Variants in SCYL2 observed in about 807,000 individuals in gnomAD.
The protein encoded by SCYL2 is SCY1-like protein 2.
SCYL2 carries 36 observed loss-of-function variants against 100.4 expected under a neutral mutation model. That is an observed-to-expected ratio of 0.36 (90% CI 0.27 to 0.47). The LOEUF (loss-of-function observed/expected upper bound fraction) is 0.47. Among genes scored for constraint, SCYL2 ranks in the 20% least tolerant of loss-of-function variants. The probability of loss-of-function intolerance (pLI) is 1.00; values close to 1 mark genes in which losing one functional copy is unlikely to be tolerated. For missense variants in SCYL2, 902 were observed against 1,083.9 expected (o/e 0.83, Z 2.36); for synonymous variants, 330 against 359.2 (o/e 0.92, Z 0.92).
At chr12:100,332,949 C>T (rs542409222) in intron 13 of SCYL2, among the ~76,000 whole-genome samples, 44 of 152,062 alleles carry the variant, frequency 2.9e-4, no homozygotes, top group Non-Finnish European at 4.9e-4. Context: ...CTCCTAGGCT[C>T]AAATGATCTT....
intron 11 of SCYL2, 110 bp downstream of exon 11, chr12:100,323,748 G>A: frequency 1.6e-6 from 1 of 627,494 alleles, no homozygotes; most frequent in Non-Finnish European, 2.7e-6. Flanking sequence ...TTTCATCTTG[G>A]CTGTAGATAA....
In SCYL2 at chr12:100,327,263, T is replaced by C. The variant is rs141336300; in HGVS notation, c.1642+509T>C. ...AGTGATAGGAGCTGGTTTTCTAATA[T>C]GTTTAAGTCTTAATTAGTATATTTT... On this transcript the variant is annotated intron_variant, in intron 12 of 17. Coordinates refer to ENST00000360820, the MANE Select transcript of SCYL2 (RefSeq NM_017988.6). 320 of 296,188 alleles carry C rather than the reference T, an allele frequency of 1.1e-3. 7 individuals carry two copies. The highest frequency in any genetic ancestry group is 6.8e-3 in the African/African-American group (305 of 45,024). The allele number at this position is 296,188 out of a possible 1,614,324, so 18.3% of individuals were successfully genotyped here.
chr12:100,284,936 C>T lies in SCYL2; in HGVS notation c.177+1789C>T, dbSNP rs574500912. 2.0e-5 allele frequency among the ~76,000 whole-genome samples: 3 copies of T among 152,160 alleles called. No individual in the cohort carries two copies. In the South Asian group the frequency reaches 6.2e-4, roughly 32 times the overall value. On this transcript the variant is annotated intron_variant, in intron 2 of 17. Coordinates refer to ENST00000360820, the MANE Select transcript of SCYL2 (RefSeq NM_017988.6). ...CCTGTAGTCTCAGCACTTTGGAAGG[C>T]CAAGGTGGAAGGACCCCTTCAGCTC... is the stretch of plus-strand genomic sequence containing the variant.
chr12:100,332,312 A>G (rs1236935399), intron 13 of SCYL2, among the ~76,000 whole-genome samples: 1 of 152,198 alleles, frequency 6.6e-6, no homozygotes, highest in Non-Finnish European at 1.5e-5. Context: ...TGTACAGCAT[A>G]GAACATATTC....
intron 3 of SCYL2, among the ~76,000 whole-genome samples, chr12:100,296,125 AT>A (rs1244569111): frequency 6.6e-6 from 1 of 152,228 alleles, no homozygotes; most frequent in Non-Finnish European, 1.5e-5. Flanking sequence ...ATATTATAGA[AT>A]TAGGAATTTA....
In SCYL2 at chr12:100,317,931, G is replaced by A; in HGVS notation, c.1395+6G>A. On this transcript the variant is annotated splice_donor_region_variant and intron_variant, in intron 10 of 17. Transcript: ENST00000360820. ...CTCCTTCCATTCAGATCCAGGTACA[G>A]TATCTGATTTGTTTTTCTTTAATGA... is the stretch of plus-strand genomic sequence containing the variant. The A allele has an allele frequency of 6.5e-7, 1 of 1,541,540 alleles. No individual in the cohort carries two copies. Among genetic ancestry groups the A allele is most frequent in the Non-Finnish European group, 8.7e-7 (1 of 1,153,958 alleles).
intron 11 of SCYL2, 90 bp downstream of exon 11, chr12:100,323,728 T>G (rs2096358792): frequency 2.9e-6 from 2 of 683,196 alleles, no homozygotes; most frequent in East Asian, 5.4e-5. Context: ...TTTTATAGAT[T>G]GTTGATGTAT....
In SCYL2 at chr12:100,312,661, C is replaced by T; in HGVS notation, c.852+8C>T. On this transcript the variant is annotated splice_region_variant and intron_variant, in intron 6 of 17. Transcript: ENST00000360820. The stretch of plus-strand genomic sequence containing the variant: ...AGTAGGCAGTTGGATCAGGTATTTG[C>T]CTATAAATAATTTGCTTGCATTAAA... The T allele has an allele frequency of 6.3e-7, 1 of 1,582,890 alleles. No homozygotes were observed. Among genetic ancestry groups the T allele is most frequent in the Non-Finnish European group, 8.6e-7 (1 of 1,164,274 alleles).
intron 17 of SCYL2, among the ~76,000 whole-genome samples, 186 bp downstream of exon 17, chr12:100,337,692 T>G (rs879379772): frequency 1.3e-5 from 2 of 152,158 alleles, no homozygotes; most frequent in Non-Finnish European, 1.5e-5. Flanking sequence ...TGTATAATGT[T>G]TTGTGACAAT....
chr12:100,326,049 A>G (rs1028641736), intron 11 of SCYL2, among the ~76,000 whole-genome samples: 3 of 152,114 alleles, frequency 2.0e-5, no homozygotes, highest in African/African-American at 2.4e-5. Flanking sequence ...AGAAATTCCA[A>G]ATAGAAGTAG....
chr12:100,321,860 T>C (rs2096356108), intron 10 of SCYL2, among the ~76,000 whole-genome samples: 2 of 151,764 alleles, frequency 1.3e-5, no homozygotes, highest in African/African-American at 4.8e-5. Flanking sequence ...CTGGGCAACA[T>C]AGTAAGACCC....
chr12:100,315,045 C>A lies in SCYL2; in HGVS notation c.1095+431C>A, dbSNP rs143958045. On this transcript the variant is annotated intron_variant, in intron 8 of 17. Transcript: ENST00000360820. Reference sequence around the variant, plus strand: ...GGCACTGGTTGGAATACTAATAATTCCTGGTTGTAAAAACATTTCCAGTGT... The same window carrying A: ...GGCACTGGTTGGAATACTAATAATTACTGGTTGTAAAAACATTTCCAGTGT... Among the ~76,000 whole-genome samples the A allele has an allele frequency of 5.9e-5, 9 of 152,210 alleles. No homozygotes were observed. The East Asian group carries it at 1.5e-3, about 26-fold the overall frequency.
chr12:100,325,049 G>A (rs1036796898), intron 11 of SCYL2, among the ~76,000 whole-genome samples: 13 of 152,236 alleles, frequency 8.5e-5, no homozygotes, highest in African/African-American at 2.6e-4. Context: ...GCAACACAGC[G>A]AGACCTCGTC....
chr12:100,304,741 T>A (rs147248917), intron 4 of SCYL2, among the ~76,000 whole-genome samples: 4,952 of 152,168 alleles, frequency 0.033, 100 homozygotes, highest in African/African-American at 0.059. Flanking sequence ...ATCAGTGTGC[T>A]GTATTTAGGA....
At chr12:100,270,186 C>T (rs1430284535) in intron 1 of SCYL2, among the ~76,000 whole-genome samples, 2 of 152,070 alleles carry the variant, frequency 1.3e-5, no homozygotes, top group Admixed American at 6.5e-5. Flanking sequence ...CGGCGTTTCA[C>T]CGTGTTAGGC....
chr12:100,338,102 C>T (rs969139078), intron 17 of SCYL2, among the ~76,000 whole-genome samples: 1 of 152,054 alleles, frequency 6.6e-6, no homozygotes, highest in South Asian at 2.1e-4. Flanking sequence ...CTGAGAAAAA[C>T]CTTTGTGGGC....
intron 1 of SCYL2, among the ~76,000 whole-genome samples, chr12:100,278,025 TTC>T (rs1375794230): frequency 6.6e-6 from 1 of 152,202 alleles, no homozygotes; most frequent in Admixed American, 6.5e-5. Context: ...TCCCCTCCTG[TTC>T]TTTCTTGTTA....
At chr12:100,279,587 T>C (rs1209980635) in intron 1 of SCYL2, among the ~76,000 whole-genome samples, 1 of 152,246 alleles carries the variant, frequency 6.6e-6, no homozygotes, top group Non-Finnish European at 1.5e-5. Context: ...TTTGTTCTGG[T>C]AGGCTGTTTA....
At chr12:100,327,608 G>A (rs202025385) in intron 12 of SCYL2, among the ~76,000 whole-genome samples, 1 of 151,250 alleles carries the variant, frequency 6.6e-6, no homozygotes, top group East Asian at 1.9e-4. Context: ...TCCGCCTCCC[G>A]AGTTCAAGCA....
Sources: gnomAD v4.1 joint callset for allele counts (sites outside exome capture counted in the v4.1 genomes callset) on GRCh38, gnomAD v4.1.1 for gene constraint, MANE v1.5 for transcripts, NCBI Gene and HGNC (gene_info 2026-07-23, HGNC 2026-07-21) for gene names.